FBXW8: variants seen among roughly 807,000 people sequenced by gnomAD.
FBXW8 encodes F-box and WD repeat domain containing 8, also known as F-box/WD repeat-containing protein 8.
FBXW8 carries 57 observed loss-of-function variants against 65.3 expected under a neutral mutation model. The ratio of observed to expected loss-of-function variants is 0.87; its 90% CI spans 0.71 to 1.09. The LOEUF (loss-of-function observed/expected upper bound fraction) is 1.09. Among genes scored for constraint, FBXW8 ranks in the 50% least tolerant of loss-of-function variants. The pLI is 0.00. For missense variants in FBXW8, 777 were observed against 814.8 expected, an observed-to-expected ratio of 0.95 and a Z score of 0.57; for synonymous variants, 308 against 330.2, an observed-to-expected ratio of 0.93 and a Z score of 0.73.
At chr12:116,977,140 G>A (rs1884998236) in intron 5 of FBXW8, among the ~76,000 whole-genome samples, 1 of 152,168 alleles carries the variant, frequency 6.6e-6, no homozygotes, top group South Asian at 2.1e-4. Flanking sequence ...CTTATTTGGT[G>A]TTAGGTAACT....
At chr12:117,012,192 G>T (rs2893701) in intron 8 of FBXW8, among the ~76,000 whole-genome samples, 31,952 of 152,068 alleles carry the variant, frequency 0.21, 4,206 homozygotes, top group African/African-American at 0.38. Context: ...CGCACTGCCA[G>T]GGAGGTGTTC....
chr12:117,010,271 G>A (rs892045199), intron 7 of FBXW8, 52 bp from the exon 8 acceptor site: 2 of 1,611,770 alleles, frequency 1.2e-6, no homozygotes, highest in South Asian at 1.1e-5. Context: ...AGTATTTGAT[G>A]TCGGCCTGGT....
chr12:116,983,752 TA>T (rs1379264211), intron 5 of FBXW8, among the ~76,000 whole-genome samples: 1 of 152,214 alleles, frequency 6.6e-6, no homozygotes, highest in East Asian at 1.9e-4. Flanking sequence ...TTAGCATTGA[TA>T]GATTAAATAT....
chr12:116,954,202 C>T (rs952265518), intron 4 of FBXW8, among the ~76,000 whole-genome samples: 1 of 151,676 alleles, frequency 6.6e-6, no homozygotes, highest in African/African-American at 2.4e-5. Flanking sequence ...GAAAGCCACT[C>T]AAATTCTAGC....
intron 4 of FBXW8, among the ~76,000 whole-genome samples, chr12:116,963,590 T>C (rs1884125903): frequency 6.6e-6 from 1 of 152,046 alleles, no homozygotes; most frequent in Non-Finnish European, 1.5e-5. Flanking sequence ...GGCAACAGAG[T>C]GAGACCCTGT....
intron 2 of FBXW8, among the ~76,000 whole-genome samples, chr12:116,933,416 A>C (rs1021572685): frequency 2.0e-5 from 3 of 152,252 alleles, no homozygotes; most frequent in Non-Finnish European, 4.4e-5. Context: ...AGTTTATCAG[A>C]GAAAGATAGA....
chr12:116,967,557 A>G (rs1004739594), intron 5 of FBXW8, among the ~76,000 whole-genome samples: 2 of 152,154 alleles, frequency 1.3e-5, no homozygotes, highest in Admixed American at 1.3e-4. Flanking sequence ...TAAAAATGGC[A>G]TTTTATTGTC....
chr12:116,922,874 T>G (rs7307907), intron 1 of FBXW8, among the ~76,000 whole-genome samples: 123,256 of 151,902 alleles, frequency 0.81, 50,743 homozygotes, highest in East Asian at 0.96. Context: ...CTATGATGTA[T>G]GGTTGTGTTC....
chr12:116,935,715 A>C (rs1425210703), intron 2 of FBXW8, among the ~76,000 whole-genome samples: 1 of 152,216 alleles, frequency 6.6e-6, no homozygotes, highest in Non-Finnish European at 1.5e-5. Context: ...GGAGTTCTTT[A>C]TATTGTTCAC....
chr12:116,979,362 A>G (rs1885151837), intron 5 of FBXW8: 1 of 152,322 alleles, frequency 6.6e-6, no homozygotes, highest in South Asian at 2.1e-4. Context: ...TGTCTCCTCG[A>G]AAGACTGGCC....
At chr12:117,016,642 G>GTTT (rs59614258) in intron 8 of FBXW8, among the ~76,000 whole-genome samples, 1 of 138,426 alleles carries the variant, frequency 7.2e-6, no homozygotes, top group Non-Finnish European at 1.6e-5. Context: ...TATTTGTCTG[G>GTTT]TTTTTTTTTT....
intron 1 of FBXW8, among the ~76,000 whole-genome samples, chr12:116,916,745 A>G (rs1266550590): frequency 6.6e-6 from 1 of 152,192 alleles, no homozygotes; most frequent in Non-Finnish European, 1.5e-5. Context: ...AACACCATCC[A>G]AAACGTTGGC....
rs71099026 is a variant in FBXW8 at position 116,993,098 on chromosome 12, CTTTT to C, written c.1239+4249_1239+4252del. Among the ~76,000 whole-genome samples, 200 of 85,394 alleles carry C rather than the reference CTTTT, an allele frequency of 2.3e-3. 1 individual carries two copies. Among genetic ancestry groups the C allele is most frequent in the African/African-American group, 7.9e-3 (172 of 21,794 alleles). 56.0% of individuals were successfully genotyped at this position (85,394 alleles called of 152,430 possible). On this transcript the variant is annotated intron_variant, in intron 7 of 10. Coordinates refer to ENST00000652555, the MANE Select transcript of FBXW8 (RefSeq NM_153348.3). ...CATACCAACATCTATTGATTTTTGACTTTTTTTTTTTTTTTTTTTTTTTGAGATG... is the reference window on the plus strand; with the variant it reads ...CATACCAACATCTATTGATTTTTGACTTTTTTTTTTTTTTTTTTTGAGATG...
At chr12:116,945,071 A>G (rs1882841739) in intron 2 of FBXW8, among the ~76,000 whole-genome samples, 1 of 152,128 alleles carries the variant, frequency 6.6e-6, no homozygotes, top group African/African-American at 2.4e-5. Context: ...AAAAGTTTAT[A>G]TTTTTTGCAT....
Position 116,964,774 on chromosome 12 carries a change from A to T in FBXW8, c.755A>T (p.Glu252Val). The T allele has an allele frequency of 6.2e-7, 1 of 1,613,540 alleles. No homozygotes were observed. The highest frequency in any genetic ancestry group is 8.5e-7 in the Non-Finnish European group (1 of 1,180,014). Residue 252 changes from glutamate to valine, a missense_variant, in exon 5 of 11, where the codon GAG (glutamate) becomes GTG (valine). Coordinates refer to ENST00000652555, the MANE Select transcript of FBXW8 (RefSeq NM_153348.3). Reference protein sequence around the residue: ...YVAPFLESEDEEDEPGMQPNV... With the variant: ...YVAPFLESEDVEDEPGMQPNV... ...GCCCCCTTCCTGGAATCAGAGGACGAGGAGGATGAGCCTGGAATGCAGCCA... is the reference window on the plus strand; with the variant it reads ...GCCCCCTTCCTGGAATCAGAGGACGTGGAGGATGAGCCTGGAATGCAGCCA...
intron 2 of FBXW8, among the ~76,000 whole-genome samples, chr12:116,940,774 C>A (rs1173015014): frequency 1.3e-5 from 2 of 152,030 alleles, no homozygotes. Flanking sequence ...TTGATGGCTA[C>A]AAGTAAAGCA....
At chr12:116,978,278 C>A (rs995730282) in intron 5 of FBXW8, 1 of 152,168 alleles carries the variant, frequency 6.6e-6, no homozygotes, top group African/African-American at 2.4e-5. Context: ...GGCACCTCTT[C>A]CATGAAGAGC....
At chr12:117,016,486 TA>T (rs1054436791) in intron 8 of FBXW8, among the ~76,000 whole-genome samples, 1 of 143,460 alleles carries the variant, frequency 7.0e-6, no homozygotes, top group African/African-American at 2.8e-5. Flanking sequence ...ATTGAGTTAT[TA>T]GAGTATTTTT....
rs186708607 is a variant in FBXW8, at chr12:116,925,042, C to G, written c.319-2981C>G. Among the ~76,000 whole-genome samples, 385 of 151,408 alleles carry G rather than the reference C, an allele frequency of 2.5e-3. 1 individual carries two copies. Among genetic ancestry groups the G allele is most frequent in the Middle Eastern group, 3.4e-3 (1 of 292 alleles). On this transcript the variant is annotated intron_variant, in intron 1 of 10. Coordinates refer to ENST00000652555, the MANE Select transcript of FBXW8 (RefSeq NM_153348.3). ...AGAAACCTTGGGAATATATTGAACA[C>G]AGGACTATCGTGGGTCATGTCTATC...
Sources: gnomAD v4.1 joint callset for allele counts (sites outside exome capture counted in the v4.1 genomes callset) on GRCh38, gnomAD v4.1.1 for gene constraint, MANE v1.5 for transcripts, NCBI Gene and HGNC (gene_info 2026-07-23, HGNC 2026-07-21) for gene names.